The following WNT8B variants were observed in gnomAD, a reference collection of about 807,000 sequenced individuals.
The protein encoded by WNT8B is protein Wnt-8b.
Under a neutral mutation model 36.6 loss-of-function variants are expected in WNT8B, and 24 were observed. The ratio of observed to expected loss-of-function variants is 0.66; its 90% CI spans 0.48 to 0.92. The LOEUF (loss-of-function observed/expected upper bound fraction) is 0.92, where lower values mean the gene tolerates loss of function less well. Ranked by LOEUF, WNT8B falls within the 40% of genes least tolerant of loss-of-function variation. The pLI is 0.00. For missense variants in WNT8B, 402 were observed against 470.8 expected, an observed-to-expected ratio of 0.85 and a Z score of 1.35; for synonymous variants, 199 against 189.8, an observed-to-expected ratio of 1.05 and a Z score of -0.40.
intron 1 of WNT8B, among the ~76,000 whole-genome samples, chr10:100,476,564 T>C (rs951945012): frequency 6.8e-6 from 1 of 148,066 alleles, no homozygotes; most frequent in African/African-American, 2.6e-5. Flanking sequence ...CAGCATCTTA[T>C]TGGCCTTCAG....
At chr10:100,474,713 C>A (rs1052529672) in intron 1 of WNT8B, among the ~76,000 whole-genome samples, 3 of 151,882 alleles carry the variant, frequency 2.0e-5, no homozygotes, top group Admixed American at 2.0e-4. Context: ...TACAGGGGTG[C>A]ATCACCACGC....
At position 100,463,010 on chromosome 10, in the gene WNT8B, C is replaced by T; in HGVS notation, c.-159C>T. On this transcript the variant is annotated 5_prime_UTR_variant, in exon 1 of 6. Coordinates refer to ENST00000343737, the MANE Select transcript of WNT8B (RefSeq NM_003393.4). ...CTCTTCTTTGGACGTTTGGCAGCTC[C>T]ATTTCACCTCCCCTTAACTCTGTTT... 1 of 600,824 alleles carries T rather than the reference C, an allele frequency of 1.7e-6. No homozygotes were observed. Among genetic ancestry groups the T allele is most frequent in the Non-Finnish European group, 2.9e-6 (1 of 348,590 alleles). 37.2% of individuals were successfully genotyped at this position (600,824 alleles called of 1,614,324 possible). A position where few individuals can be genotyped will look rare whatever the true frequency, so the allele number is the denominator to read the frequency against.
At chr10:100,481,319 G>A (rs924618736) in intron 4 of WNT8B, among the ~76,000 whole-genome samples, 196 bp downstream of exon 4, 3 of 152,182 alleles carry the variant, frequency 2.0e-5, no homozygotes, top group African/African-American at 7.2e-5. Flanking sequence ...TTTTCCCATT[G>A]AGTAGTTTCC....
At chr10:100,481,154 G>T (rs952473315) in intron 4 of WNT8B, 31 bp downstream of exon 4, 1 of 1,611,236 alleles carries the variant, frequency 6.2e-7, no homozygotes, top group Non-Finnish European at 8.5e-7. Context: ...GGGTACCATA[G>T]GCCAGCCAAC....
At position 100,473,326 on chromosome 10, in the gene WNT8B, A is replaced by AT. The variant is rs543854410; in HGVS notation, c.69-5718dup. ...AAAGGCACCCTTTAACAAATCAATG[A>AT]TTTTTTTTAGCCAATTCATGGATTT... On this transcript the variant is annotated intron_variant, in intron 1 of 5. Transcript: ENST00000343737. 5.9e-5 allele frequency among the ~76,000 whole-genome samples: 9 copies of AT among 152,152 alleles called. No homozygotes were observed. The South Asian group carries it at 6.2e-4, about 11-fold the overall frequency.
intron 1 of WNT8B, among the ~76,000 whole-genome samples, chr10:100,472,174 G>A (rs1295391478): frequency 8.7e-5 from 13 of 150,192 alleles, no homozygotes; most frequent in South Asian, 8.6e-4. Context: ...GCAGTGGCGC[G>A]ATCTTGGCTC....
chr10:100,467,540 C>T (rs1223196678), intron 1 of WNT8B, among the ~76,000 whole-genome samples: 2 of 152,172 alleles, frequency 1.3e-5, no homozygotes, highest in Non-Finnish European at 2.9e-5. Context: ...TTACCATTTG[C>T]TGCTCTAAAT....
Position 100,463,011 on chromosome 10 carries a change from A to C in WNT8B, c.-158A>C. The C allele has an allele frequency of 1.6e-6, 1 of 613,542 alleles. No individual in the cohort carries two copies. Among genetic ancestry groups the C allele is most frequent in the Non-Finnish European group, 2.8e-6 (1 of 358,638 alleles). The allele number at this position is 613,542 out of a possible 1,614,324, so 38.0% of individuals were successfully genotyped here. Reference sequence around the variant, plus strand: ...TCTTCTTTGGACGTTTGGCAGCTCCATTTCACCTCCCCTTAACTCTGTTTG... The same window carrying C: ...TCTTCTTTGGACGTTTGGCAGCTCCCTTTCACCTCCCCTTAACTCTGTTTG... On this transcript the variant is annotated 5_prime_UTR_variant, in exon 1 of 6. Coordinates refer to ENST00000343737, the MANE Select transcript of WNT8B (RefSeq NM_003393.4).
At chr10:100,468,026 A>C (rs1850925460) in intron 1 of WNT8B, among the ~76,000 whole-genome samples, 1 of 152,226 alleles carries the variant, frequency 6.6e-6, no homozygotes. Flanking sequence ...AACATTGTAC[A>C]TTTCTCCCAT....
chr10:100,475,665 T>C (rs1257810195), intron 1 of WNT8B, among the ~76,000 whole-genome samples: 1 of 152,212 alleles, frequency 6.6e-6, no homozygotes, highest in Non-Finnish European at 1.5e-5. Flanking sequence ...TTTTGTTTTC[T>C]TTCCTGATAA....
At chr10:100,481,828 A>C in intron 4 of WNT8B, 84 bp from the exon 5 acceptor site, 268 of 1,353,432 alleles carry the variant, frequency 2.0e-4, no homozygotes, top group Middle Eastern at 2.4e-4. Flanking sequence ...GGACCCCCCC[A>C]CCCCCAACCC....
At chr10:100,472,730 T>A (rs1850992748) in intron 1 of WNT8B, among the ~76,000 whole-genome samples, 1 of 152,272 alleles carries the variant, frequency 6.6e-6, no homozygotes, top group Non-Finnish European at 1.5e-5. Context: ...CAGTTATTTA[T>A]GTAAATCGCT....
chr10:100,468,946 A>C (rs979442903), intron 1 of WNT8B, among the ~76,000 whole-genome samples: 1 of 152,202 alleles, frequency 6.6e-6, no homozygotes, highest in Non-Finnish European at 1.5e-5. Flanking sequence ...GTTTAACTTT[A>C]AAAAATTTTT....
intron 1 of WNT8B, among the ~76,000 whole-genome samples, chr10:100,470,798 G>C (rs1850967677): frequency 1.3e-5 from 2 of 152,208 alleles, no homozygotes; most frequent in Non-Finnish European, 2.9e-5. Context: ...CTGGAGCGCA[G>C]TGGCGCAATC....
chr10:100,468,567 C>G (rs1850937403), intron 1 of WNT8B, among the ~76,000 whole-genome samples: 1 of 152,222 alleles, frequency 6.6e-6, no homozygotes, highest in African/African-American at 2.4e-5. Context: ...TTATCCCTGC[C>G]ACAGTCCTCA....
intron 1 of WNT8B, among the ~76,000 whole-genome samples, chr10:100,465,250 T>G (rs1054441702): frequency 2.0e-5 from 3 of 152,074 alleles, no homozygotes; most frequent in African/African-American, 7.2e-5. Context: ...TTTGCCACAG[T>G]TTTTTATAGT....
intron 1 of WNT8B, among the ~76,000 whole-genome samples, chr10:100,467,389 C>T (rs912406363): frequency 2.0e-5 from 3 of 152,120 alleles, no homozygotes; most frequent in Non-Finnish European, 4.4e-5. Flanking sequence ...GGCTATATTC[C>T]AGTAGTCCCA....
chr10:100,473,790 G>A (rs1400856213), intron 1 of WNT8B, among the ~76,000 whole-genome samples: 1 of 152,168 alleles, frequency 6.6e-6, no homozygotes, highest in Non-Finnish European at 1.5e-5. Flanking sequence ...GCTGGACATG[G>A]TAGTGCATGC....
At chr10:100,480,311 A>G (rs1851094143) in intron 3 of WNT8B, among the ~76,000 whole-genome samples, 1 of 152,164 alleles carries the variant, frequency 6.6e-6, no homozygotes, top group Non-Finnish European at 1.5e-5. Context: ...TAATATCAGG[A>G]GGTAGGCAGG....
Sources: gnomAD v4.1 joint callset for allele counts (sites outside exome capture counted in the v4.1 genomes callset) on GRCh38, gnomAD v4.1.1 for gene constraint, MANE v1.5 for transcripts, NCBI Gene and HGNC (gene_info 2026-07-23, HGNC 2026-07-21) for gene names.